TLE1: variants seen among roughly 807,000 people sequenced by gnomAD.
TLE1 encodes the protein transducin-like enhancer protein 1.
In TLE1, 21 loss-of-function variants were observed where a neutral mutation model predicts 89.8. That is an observed-to-expected ratio of 0.23 (90% CI 0.17 to 0.34). The LOEUF (loss-of-function observed/expected upper bound fraction) is 0.34. TLE1 is among the 10% of genes least tolerant of loss of function. TLE1 has a pLI of 1.00. For synonymous variants in TLE1, 447 were observed against 407.6 expected (o/e 1.10, Z -1.16); for missense variants, 795 against 1,031.2 (o/e 0.77, Z 3.14).
At chr9:81,662,101 A>G (rs902391749) in intron 4 of TLE1, among the ~76,000 whole-genome samples, 18 of 152,230 alleles carry the variant, frequency 1.2e-4, no homozygotes, top group African/African-American at 3.9e-4. Context: ...CTAGTTTCAA[A>G]GCGAAAAGAG....
At chr9:81,654,632 C>T (rs1004664572) in intron 4 of TLE1, among the ~76,000 whole-genome samples, 12 of 152,188 alleles carry the variant, frequency 7.9e-5, no homozygotes, top group African/African-American at 2.9e-4. Context: ...TGAGCCACTG[C>T]ACCCAGCCAA....
At chr9:81,632,300 A>G (rs60087115) in intron 8 of TLE1, among the ~76,000 whole-genome samples, 2 of 151,994 alleles carry the variant, frequency 1.3e-5, no homozygotes, top group African/African-American at 4.8e-5. Flanking sequence ...TCCTTCAACC[A>G]TTCCTCACTC....
intron 4 of TLE1, among the ~76,000 whole-genome samples, chr9:81,670,069 C>G (rs1412271142): frequency 6.6e-6 from 1 of 152,152 alleles, no homozygotes; most frequent in African/African-American, 2.4e-5. Flanking sequence ...TTGGCCAACC[C>G]TGCAAATCAT....
chr9:81,604,694 A>G (rs1814292078), intron 14 of TLE1, among the ~76,000 whole-genome samples: 1 of 152,058 alleles, frequency 6.6e-6, no homozygotes, highest in Non-Finnish European at 1.5e-5. Context: ...GAGCATTTAT[A>G]CTAAAGGGAC....
In TLE1 at chr9:81,613,435, T is replaced by A; in HGVS notation, c.1005A>T (p.Pro335=). 6.2e-7 allele frequency: 1 copy of A among 1,614,162 alleles called. No individual in the cohort carries two copies. The highest frequency in any genetic ancestry group is 8.5e-7 in the Non-Finnish European group (1 of 1,180,002). The part of the protein sequence containing the change: ...DMPTPGTSAT[P]GLRPGLGKPP... ...GCTTGCCGAGACCTGGACGGAGGCC[T>A]GGAGTGGCGCTGGTGCCCGGCGTTG... The change falls in exon 12 of 20, where the codon CCA becomes CCT. Residue 335 remains proline (P), a synonymous_variant. Transcript: ENST00000376499.
At chr9:81,683,149 G>C (rs983349780) in intron 4 of TLE1, among the ~76,000 whole-genome samples, 1 of 152,012 alleles carries the variant, frequency 6.6e-6, no homozygotes, top group Non-Finnish European at 1.5e-5. Context: ...TGGGAAGGGA[G>C]AGCGGTCGTC....
At chr9:81,612,422 T>A (rs1225740323) in intron 12 of TLE1, 1 of 942,992 alleles carries the variant, frequency 1.1e-6, no homozygotes, top group African/African-American at 1.8e-5. Flanking sequence ...AAGCACGGGT[T>A]TAGGAGGAAT....
chr9:81,662,976 T>A (rs2132796497), intron 4 of TLE1, among the ~76,000 whole-genome samples: 1 of 152,016 alleles, frequency 6.6e-6, no homozygotes, highest in South Asian at 2.1e-4. Context: ...GCCTCCCGAG[T>A]GGCTGGGACT....
intron 4 of TLE1, among the ~76,000 whole-genome samples, chr9:81,658,525 C>G (rs1588148487): frequency 6.6e-6 from 1 of 152,166 alleles, no homozygotes; most frequent in African/African-American, 2.4e-5. Context: ...TTAAACTATA[C>G]TGACAAGCCA....
chr9:81,648,626 T>C (rs1313822516), intron 6 of TLE1, among the ~76,000 whole-genome samples: 1 of 152,196 alleles, frequency 6.6e-6, no homozygotes, highest in African/African-American at 2.4e-5. Context: ...TTATTCAATA[T>C]CTATCAGAGC....
intron 16 of TLE1, among the ~76,000 whole-genome samples, chr9:81,589,046 T>C (rs1829050019): frequency 6.6e-6 from 1 of 152,216 alleles, no homozygotes; most frequent in South Asian, 2.1e-4. Flanking sequence ...GGATCCAGGT[T>C]GAGTCCTCTC....
intron 8 of TLE1, among the ~76,000 whole-genome samples, chr9:81,623,615 C>CT (rs377660324): frequency 2.7e-5 from 3 of 112,648 alleles, no homozygotes; most frequent in African/African-American, 3.5e-5. Context: ...CCCATCTGTA[C>CT]TTAAAAAAAA....
At chr9:81,609,715 C>T (rs1240479622) in intron 14 of TLE1, among the ~76,000 whole-genome samples, 2 of 152,144 alleles carry the variant, frequency 1.3e-5, no homozygotes, top group African/African-American at 4.8e-5. Flanking sequence ...ACCTGGGGTG[C>T]TGGCATCCAA....
intron 4 of TLE1, among the ~76,000 whole-genome samples, chr9:81,673,420 G>C (rs990135687): frequency 6.6e-6 from 1 of 151,800 alleles, no homozygotes; most frequent in Non-Finnish European, 1.5e-5. Flanking sequence ...GAAGGAAGCT[G>C]GGTTTGCAAA....
chr9:81,655,348 G>T (rs1830034708), intron 4 of TLE1, among the ~76,000 whole-genome samples: 7 of 151,966 alleles, frequency 4.6e-5, no homozygotes, highest in Admixed American at 4.6e-4. Flanking sequence ...GTGCGACAGT[G>T]AGACTCCACC....
At chr9:81,642,601 G>A (rs1352093295) in intron 6 of TLE1, among the ~76,000 whole-genome samples, 1 of 152,114 alleles carries the variant, frequency 6.6e-6, no homozygotes, top group Non-Finnish European at 1.5e-5. Flanking sequence ...GGCTGAGGCA[G>A]GAGAACTGCT....
intron 8 of TLE1, among the ~76,000 whole-genome samples, chr9:81,627,456 T>G (rs532051007): frequency 6.6e-6 from 1 of 152,266 alleles, no homozygotes; most frequent in Admixed American, 6.5e-5. Flanking sequence ...CACCTCTACC[T>G]GGTACAGGCT....
At chr9:81,641,039 T>G (rs1828043459) in intron 6 of TLE1, among the ~76,000 whole-genome samples, 1 of 151,980 alleles carries the variant, frequency 6.6e-6, no homozygotes, top group African/African-American at 2.4e-5. Flanking sequence ...ATGCTAAGAG[T>G]GACAGTAAGT....
At chr9:81,661,944 C>T (rs906035910) in intron 4 of TLE1, among the ~76,000 whole-genome samples, 9 of 152,104 alleles carry the variant, frequency 5.9e-5, no homozygotes, top group Non-Finnish European at 1.2e-4. Flanking sequence ...AAATTGGTAG[C>T]GCTGTCTTGG....
Sources: allele counts gnomAD v4.1 joint callset (sites outside exome capture counted in the v4.1 genomes callset), GRCh38; gene constraint gnomAD v4.1.1; transcripts MANE v1.5; gene names NCBI Gene and HGNC (gene_info 2026-07-23, HGNC 2026-07-21).